Variants in LAMA2 observed in about 807,000 individuals in gnomAD.
The protein encoded by LAMA2 is laminin subunit alpha 2.
Under a neutral mutation model 364.8 loss-of-function variants are expected in LAMA2, and 269 were observed. That is an observed-to-expected ratio of 0.74 (90% CI 0.67 to 0.82). LAMA2 has a LOEUF of 0.82. Among genes scored for constraint, LAMA2 ranks in the 40% least tolerant of loss-of-function variants. The probability of loss-of-function intolerance (pLI) is 0.00; values close to 1 mark genes in which losing one functional copy is unlikely to be tolerated. For missense variants in LAMA2, 3,807 were observed against 3,873.2 expected, an observed-to-expected ratio of 0.98 and a Z score of 0.45; for synonymous variants, 1,379 against 1,370.6, an observed-to-expected ratio of 1.01 and a Z score of -0.14.
chr6:129,391,964 A>G (rs1352398658), intron 36 of LAMA2, among the ~76,000 whole-genome samples: 1 of 152,168 alleles, frequency 6.6e-6, no homozygotes, highest in East Asian at 1.9e-4. Flanking sequence ...AATTAGGCTA[A>G]TGAGTTTGTT....
At chr6:129,317,408 A>T (rs1224052210) in intron 27 of LAMA2, among the ~76,000 whole-genome samples, 2 of 152,206 alleles carry the variant, frequency 1.3e-5, no homozygotes, top group Non-Finnish European at 2.9e-5. Context: ...AAATGTTTAT[A>T]CTGGAATAAG....
intron 14 of LAMA2, among the ~76,000 whole-genome samples, chr6:129,253,225 A>G (rs1562381819): frequency 6.6e-6 from 1 of 152,236 alleles, no homozygotes; most frequent in Non-Finnish European, 1.5e-5. Context: ...AATAAATAAC[A>G]CAAGGTGTCA....
intron 12 of LAMA2, among the ~76,000 whole-genome samples, chr6:129,210,581 G>T (rs955560005): frequency 5.9e-5 from 9 of 152,164 alleles, no homozygotes; most frequent in African/African-American, 1.9e-4. Flanking sequence ...GATAGCTTCA[G>T]ATTCTAGAAG....
intron 8 of LAMA2, chr6:129,158,823 A>G: frequency 6.2e-7 from 1 of 1,614,026 alleles, no homozygotes; most frequent in South Asian, 1.1e-5. Flanking sequence ...TATTTCATAC[A>G]CCCTGAAGCT....
In LAMA2 at chr6:129,502,666, G is replaced by T; in HGVS notation, c.8252G>T (p.Cys2751Phe). 6.2e-7 allele frequency: 1 copy of T among 1,612,522 alleles called. No homozygotes were observed. Among genetic ancestry groups the T allele is most frequent in the Non-Finnish European group, 8.5e-7 (1 of 1,178,538 alleles). Reference sequence around the variant, plus strand: ...CTCCTGGGTATTTTACAGGGTCCTTGTGCTGCAGAATCAGAACCAGCTCTT... The same window carrying T: ...CTCCTGGGTATTTTACAGGGTCCTTTTGCTGCAGAATCAGAACCAGCTCTT... ...TPTPVLTHGP[C>F]AAESEPALLI... Residue 2751 changes from cysteine (C) to phenylalanine (F), a missense_variant, in exon 59 of 65, where the codon TGT becomes TTT. Transcript: ENST00000421865.
chr6:128,929,113 G>C (rs761367028), intron 1 of LAMA2: 382 of 1,444,116 alleles, frequency 2.6e-4, no homozygotes, highest in Non-Finnish European at 3.6e-4. Flanking sequence ...GCGTTTTCCC[G>C]TACAGATCCA....
chr6:129,481,494 TA>T, intron 55 of LAMA2, 55 bp downstream of exon 55: 17 of 1,408,948 alleles, frequency 1.2e-5, no homozygotes, highest in Non-Finnish European at 1.7e-5. Context: ...ATAAAGCAGT[TA>T]ACTTACTTTT....
intron 4 of LAMA2, among the ~76,000 whole-genome samples, chr6:129,105,492 A>G (rs1476155137): frequency 1.3e-5 from 2 of 152,206 alleles, no homozygotes; most frequent in South Asian, 2.1e-4. Context: ...ATTAAGCCCT[A>G]TGTATATTTT....
chr6:129,432,673 A>C (rs1781656236), intron 41 of LAMA2, among the ~76,000 whole-genome samples: 2 of 152,212 alleles, frequency 1.3e-5, no homozygotes, highest in Admixed American at 1.3e-4. Flanking sequence ...TGTCTTATTT[A>C]AAGGTATTCA....
chr6:129,193,297 T>C (rs1228880600), intron 12 of LAMA2, among the ~76,000 whole-genome samples: 2 of 152,336 alleles, frequency 1.3e-5, no homozygotes, highest in South Asian at 2.1e-4. Flanking sequence ...GATATGAATG[T>C]TAATTGGAAA....
intron 61 of LAMA2, among the ~76,000 whole-genome samples, chr6:129,507,163 G>T (rs139095807): frequency 2.0e-5 from 3 of 151,806 alleles, no homozygotes; most frequent in Admixed American, 6.6e-5. Context: ...AATCAGGAAC[G>T]TAAGAGACCA....
intron 1 of LAMA2, 95 bp from the exon 2 acceptor site, chr6:129,049,823 C>A: frequency 9.1e-7 from 1 of 1,095,696 alleles, no homozygotes; most frequent in African/African-American, 1.5e-5. Flanking sequence ...TACTTTAATG[C>A]TCCGAAAAAT....
chr6:128,915,702 T>C (rs1440591514), intron 1 of LAMA2, among the ~76,000 whole-genome samples: 1 of 152,184 alleles, frequency 6.6e-6, no homozygotes, highest in East Asian at 1.9e-4. Context: ...TGAAATACAT[T>C]GTCTGATAAA....
At chr6:129,194,972 C>T (rs1443454404) in intron 12 of LAMA2, among the ~76,000 whole-genome samples, 3 of 152,100 alleles carry the variant, frequency 2.0e-5, no homozygotes, top group African/African-American at 4.8e-5. Flanking sequence ...AATTGCTGTT[C>T]GAATCAGAAC....
At chr6:129,170,695 T>C (rs1404282317) in intron 9 of LAMA2, among the ~76,000 whole-genome samples, 1 of 152,152 alleles carries the variant, frequency 6.6e-6, no homozygotes, top group Non-Finnish European at 1.5e-5. Flanking sequence ...GGTGCAGAGC[T>C]GTGTTCAATT....
intron 1 of LAMA2, among the ~76,000 whole-genome samples, chr6:129,047,513 T>C (rs566841521): frequency 6.6e-6 from 1 of 151,962 alleles, no homozygotes; most frequent in East Asian, 1.9e-4. Context: ...CAGATGAGAG[T>C]TGGGGGTCAC....
chr6:129,375,449 C>T (rs938073235), intron 34 of LAMA2, among the ~76,000 whole-genome samples: 3 of 152,186 alleles, frequency 2.0e-5, no homozygotes, highest in African/African-American at 7.2e-5. Flanking sequence ...TGGATTTTCA[C>T]TCCCAGCCCA....
At chr6:129,390,533 G>A (rs1020445327) in intron 35 of LAMA2, among the ~76,000 whole-genome samples, 7 of 151,868 alleles carry the variant, frequency 4.6e-5, no homozygotes, top group African/African-American at 9.7e-5. Flanking sequence ...TTGGCCAACC[G>A]AGACCCCTCA....
chr6:129,005,551 TTCA>T (rs796080127), intron 1 of LAMA2, among the ~76,000 whole-genome samples: 1 of 151,912 alleles, frequency 6.6e-6, no homozygotes, highest in African/African-American at 2.4e-5. Flanking sequence ...AAGTATCTTC[TTCA>T]TGTAAAATTT....
Sources: allele counts gnomAD v4.1 joint callset (sites outside exome capture counted in the v4.1 genomes callset), GRCh38; gene constraint gnomAD v4.1.1; transcripts MANE v1.5; gene names NCBI Gene and HGNC (gene_info 2026-07-23, HGNC 2026-07-21).